The following NSUN7 variants were observed in gnomAD, a reference collection of about 807,000 sequenced individuals.
NSUN7 encodes the protein protein NSUN7.
Under a neutral mutation model 58.5 loss-of-function variants are expected in NSUN7, and 39 were observed. The observed-to-expected ratio is 0.67, with a 90% CI of 0.52 to 0.87. NSUN7 has a LOEUF of 0.87. NSUN7 is among the 40% of genes least tolerant of loss of function. NSUN7 has a pLI of 0.00. For missense variants in NSUN7, 765 were observed against 844.1 expected (o/e 0.91, Z 1.16); for synonymous variants, 278 against 303.7 (o/e 0.92, Z 0.88).
At position 40,776,098 on chromosome 4, in the gene NSUN7, T is replaced by C. The variant is rs1428658694; in HGVS notation, c.875T>C (p.Met292Thr). Residue 292 changes from methionine (M) to threonine (T), a missense_variant, in exon 7 of 12, where the codon ATG (methionine) becomes ACG (threonine). Physicochemically the swap from Met to Thr is moderately conservative, Grantham distance 81 (BLOSUM62 -1). Coordinates refer to ENST00000381782, the MANE Select transcript of NSUN7 (RefSeq NM_024677.6). ...CATTCTGTAAAGGCTTTATTAAATA[T>C]GGATGATGATGTCTTAATGGTCAAT... The part of the protein sequence containing the change: ...AVHSVKALLN[M>T]DDDVLMVNTG... 3 of 1,609,998 alleles carry C rather than the reference T, an allele frequency of 1.9e-6. No individual in the cohort carries two copies. Among genetic ancestry groups the C allele is most frequent in the Non-Finnish European group, 2.5e-6 (3 of 1,177,750 alleles).
Position 40,750,796 on chromosome 4 carries a change from G to T in NSUN7, c.103G>T (p.Gly35Cys), listed in dbSNP as rs980760211. 37 of 1,614,076 alleles carry T rather than the reference G, an allele frequency of 2.3e-5. No homozygotes were observed. The highest frequency in any genetic ancestry group is 3.1e-5 in the Non-Finnish European group (36 of 1,180,030). ...LPLSGGKSSAGVPEKTGYPDS... is the reference protein window; with the variant it reads ...LPLSGGKSSACVPEKTGYPDS... ...TCTGTCCGGTGGGAAAAGCTCAGCT[G>T]GTGTGCCCGAAAAAACGGGCTATCC... The change falls in exon 2 of 12, where the codon GGT (glycine) becomes TGT (cysteine). Residue 35 changes from glycine to cysteine, a missense_variant. Physicochemically the swap from Gly to Cys is radical, Grantham distance 159 (BLOSUM62 -3). Coordinates refer to ENST00000381782, the MANE Select transcript of NSUN7 (RefSeq NM_024677.6).
intron 10 of NSUN7, among the ~76,000 whole-genome samples, chr4:40,799,540 A>G (rs1008122428): frequency 2.0e-5 from 3 of 152,064 alleles, no homozygotes; most frequent in Non-Finnish European, 4.4e-5. Context: ...GTGGAGGAAT[A>G]TTGATTTTAT....
At chr4:40,799,254 T>A (rs1478182478) in intron 10 of NSUN7, among the ~76,000 whole-genome samples, 2 of 151,864 alleles carry the variant, frequency 1.3e-5, no homozygotes, top group African/African-American at 4.8e-5. Context: ...CCAGGCTAAT[T>A]TTTGTATTTT....
At chr4:40,808,255 A>T in intron 11 of NSUN7, 52 bp from the exon 12 acceptor site, 1 of 1,525,836 alleles carries the variant, frequency 6.6e-7, no homozygotes, top group South Asian at 1.3e-5. Context: ...TATTTGCGGG[A>T]GACACAATAA....
At chr4:40,759,976 T>C (rs1741370160) in intron 2 of NSUN7, among the ~76,000 whole-genome samples, 1 of 152,116 alleles carries the variant, frequency 6.6e-6, no homozygotes, top group Non-Finnish European at 1.5e-5. Context: ...AGGCAGACGT[T>C]GCAGTGAGCT....
At chr4:40,804,114 C>T (rs1279395324) in intron 10 of NSUN7, among the ~76,000 whole-genome samples, 7 of 152,200 alleles carry the variant, frequency 4.6e-5, no homozygotes, top group African/African-American at 1.4e-4. Context: ...TATGTCTATA[C>T]TTAAGCCAAC....
chr4:40,756,915 T>C (rs981635640), intron 2 of NSUN7, among the ~76,000 whole-genome samples: 3 of 152,130 alleles, frequency 2.0e-5, no homozygotes, highest in Non-Finnish European at 2.9e-5. Context: ...TTACTTTCAG[T>C]ATTTAATAAG....
chr4:40,805,142 T>G (rs1419618593), intron 10 of NSUN7, among the ~76,000 whole-genome samples: 1 of 152,226 alleles, frequency 6.6e-6, no homozygotes. Context: ...AGCCATTGTG[T>G]GTTTGTTTTC....
chr4:40,780,754 T>TACACAC (rs796117262), intron 7 of NSUN7, among the ~76,000 whole-genome samples: 2,484 of 104,130 alleles, frequency 0.024, 56 homozygotes, highest in East Asian at 0.072. Flanking sequence ...AACATTGAAA[T>TACACAC]ACACACACAC....
At position 40,752,334 on chromosome 4, in the gene NSUN7, T is replaced by C. The variant is rs73144617; in HGVS notation, c.298+1343T>C. The stretch of plus-strand genomic sequence containing the variant: ...GCTTACACTTGTAATCCCAGTACTT[T>C]TGGAGGTGGAGGTGGGACGATTGCT... On this transcript the variant is annotated intron_variant, in intron 2 of 11. Coordinates refer to ENST00000381782, the MANE Select transcript of NSUN7 (RefSeq NM_024677.6). Among the ~76,000 whole-genome samples the C allele has an allele frequency of 6.4e-3, 982 of 152,338 alleles. 11 individuals carry two copies. The highest frequency in any genetic ancestry group is 0.022 in the African/African-American group (917 of 41,580).
intron 5 of NSUN7, 109 bp from the exon 6 acceptor site, chr4:40,774,658 G>A (rs947183863): frequency 4.0e-6 from 3 of 751,804 alleles, no homozygotes; most frequent in Non-Finnish European, 4.4e-6. Context: ...TCCATTAGAT[G>A]TAATGTATGA....
intron 7 of NSUN7, among the ~76,000 whole-genome samples, chr4:40,781,050 C>A (rs1218855006): frequency 6.6e-6 from 1 of 151,266 alleles, no homozygotes. Flanking sequence ...GATCTCCTGA[C>A]CTCGTGATCC....
chr4:40,755,670 G>A (rs528282501), intron 2 of NSUN7, among the ~76,000 whole-genome samples: 2 of 152,318 alleles, frequency 1.3e-5, no homozygotes, highest in African/African-American at 2.4e-5. Flanking sequence ...ATTAGTAACT[G>A]TAGTCAGGGG....
In NSUN7 at chr4:40,799,083, T is replaced by TTTTTG. The variant is rs1368473386; in HGVS notation, c.1400+183_1400+184insGTTTT. Among the ~76,000 whole-genome samples, 16 of 138,698 alleles carry TTTTTG rather than the reference T, an allele frequency of 1.2e-4. 1 individual carries two copies. The highest frequency in any genetic ancestry group is 4.3e-4 in the Admixed American group (6 of 13,850). The allele number at this position is 138,698 out of a possible 152,430, so 91.0% of individuals were successfully genotyped here. Reference sequence around the variant, plus strand: ...CCATAGGGCCTTTTTCTTTTTTTTTTTTTTTTTTTTTTTTTTTTTAAAGAT... The same window carrying TTTTTG: ...CCATAGGGCCTTTTTCTTTTTTTTTTTTTTGTTTTTTTTTTTTTTTTTTTAAAGAT... On this transcript the variant is annotated intron_variant, in intron 10 of 11. Transcript: ENST00000381782.
At chr4:40,771,733 A>AATTATAAATATATAATTATATT (rs1367806782) in intron 4 of NSUN7, among the ~76,000 whole-genome samples, 3 of 147,802 alleles carry the variant, frequency 2.0e-5, no homozygotes, top group African/African-American at 7.4e-5. Flanking sequence ...ATAATTATAT[A>AATTATAAATATATAATTATATT]ATTATAAATA....
At chr4:40,769,752 A>G (rs1741908661) in intron 4 of NSUN7, among the ~76,000 whole-genome samples, 1 of 152,178 alleles carries the variant, frequency 6.6e-6, no homozygotes, top group African/African-American at 2.4e-5. Context: ...AATGCCCTTT[A>G]AATACTTGTT....
chr4:40,755,681 T>C (rs1444909945), intron 2 of NSUN7, among the ~76,000 whole-genome samples: 1 of 152,162 alleles, frequency 6.6e-6, no homozygotes. Flanking sequence ...TAGTCAGGGG[T>C]TCCTAAGACC....
chr4:40,761,054 TA>T, intron 3 of NSUN7, 116 bp from the exon 4 acceptor site: 1 of 795,328 alleles, frequency 1.3e-6, no homozygotes, highest in Non-Finnish European at 2.0e-6. Context: ...TCAGACTATG[TA>T]AAAATAGTCG....
At chr4:40,802,507 G>A (rs1006734526) in intron 10 of NSUN7, among the ~76,000 whole-genome samples, 6 of 152,082 alleles carry the variant, frequency 3.9e-5, no homozygotes, top group Admixed American at 2.0e-4. Flanking sequence ...ATTATGTGAT[G>A]GTCTGGAGGG....
Sources: allele counts gnomAD v4.1 joint callset (sites outside exome capture counted in the v4.1 genomes callset), GRCh38; gene constraint gnomAD v4.1.1; transcripts MANE v1.5; gene names NCBI Gene and HGNC (gene_info 2026-07-23, HGNC 2026-07-21).